TBK1: variants seen among roughly 807,000 people sequenced by gnomAD.
TBK1 encodes serine/threonine-protein kinase TBK1.
TBK1 carries 37 observed loss-of-function variants against 99.9 expected under a neutral mutation model. The ratio of observed to expected loss-of-function variants is 0.37; its 90% CI spans 0.28 to 0.49. The LOEUF (loss-of-function observed/expected upper bound fraction) is 0.49, where lower values mean the gene tolerates loss of function less well. Among genes scored for constraint, TBK1 ranks in the 20% least tolerant of loss-of-function variants. The probability of loss-of-function intolerance (pLI) is 0.98; values close to 1 mark genes in which losing one functional copy is unlikely to be tolerated. For missense variants in TBK1, 644 were observed against 872.5 expected (o/e 0.74, Z 3.30); for synonymous variants, 258 against 279.8 (o/e 0.92, Z 0.78).
At chr12:64,496,911 G>A in intron 16 of TBK1, 38 bp from the exon 17 acceptor site, 1 of 1,361,010 alleles carries the variant, frequency 7.3e-7, no homozygotes, top group African/African-American at 1.5e-5. Flanking sequence ...TAGAAACAGT[G>A]ACATTGGTTT....
intron 13 of TBK1, chr12:64,495,268 T>G (rs1180316321): frequency 2.2e-6 from 1 of 455,620 alleles, no homozygotes; most frequent in Non-Finnish European, 3.9e-6. Flanking sequence ...TTATAAGATG[T>G]ATTACTGCTG....
intron 5 of TBK1, among the ~76,000 whole-genome samples, chr12:64,473,473 C>T (rs1370908263): frequency 6.6e-6 from 1 of 152,072 alleles, no homozygotes; most frequent in Non-Finnish European, 1.5e-5. Context: ...AGTAATGAAT[C>T]AGAACAGAGG....
intron 9 of TBK1, among the ~76,000 whole-genome samples, chr12:64,484,843 T>C (rs2040802814): frequency 6.6e-6 from 1 of 152,028 alleles, no homozygotes; most frequent in African/African-American, 2.4e-5. Flanking sequence ...CTTTCATAAA[T>C]ATTAAAATTT....
chr12:64,452,234 C>T (rs1317147867), intron 1 of TBK1, 47 bp downstream of exon 1: 1 of 152,170 alleles, frequency 6.6e-6, no homozygotes, highest in Non-Finnish European at 1.5e-5. Context: ...GCGCGGGGCG[C>T]GGTCGGTCAG....
intron 1 of TBK1, among the ~76,000 whole-genome samples, chr12:64,453,929 C>T (rs541001358): frequency 1.1e-4 from 16 of 152,170 alleles, no homozygotes; most frequent in Admixed American, 2.0e-4. Flanking sequence ...CAGAAGAGTT[C>T]GTAACTTTTC....
Position 64,464,445 on chromosome 12 carries a change from A to G in TBK1, c.340A>G (p.Ile114Val). 1 of 1,591,554 alleles carries G rather than the reference A, an allele frequency of 6.3e-7. No individual in the cohort carries two copies. The highest frequency in any genetic ancestry group is 8.6e-7 in the Non-Finnish European group (1 of 1,167,576). Residue 114 changes from isoleucine to valine, a missense_variant, in exon 4 of 21, where the codon ATT (isoleucine) becomes GTT (valine). Ile to Val is a conservative substitution (Grantham distance 29). Coordinates refer to ENST00000331710, the MANE Select transcript of TBK1 (RefSeq NM_013254.4). ...TGGACTACCAGAATCTGAATTCTTA[A>G]TTGTTTTGCGAGATGTGGGTATGTT... is the stretch of plus-strand genomic sequence containing the variant. ...AYGLPESEFLIVLRDVVGGMN... is the reference protein window; with the variant it reads ...AYGLPESEFLVVLRDVVGGMN...
At chr12:64,453,026 T>G (rs1278786110) in intron 1 of TBK1, 1 of 152,246 alleles carries the variant, frequency 6.6e-6, no homozygotes, top group Non-Finnish European at 1.5e-5. Context: ...ACTTTCGTTT[T>G]GGACGGTGTA....
At chr12:64,480,370 C>G (rs1460439516) in intron 7 of TBK1, among the ~76,000 whole-genome samples, 1 of 152,190 alleles carries the variant, frequency 6.6e-6, no homozygotes, top group Non-Finnish European at 1.5e-5. Context: ...TTGGTAATCA[C>G]TGGTCTTGGA....
chr12:64,469,917 C>T (rs1368183678), intron 5 of TBK1, among the ~76,000 whole-genome samples: 1 of 152,092 alleles, frequency 6.6e-6, no homozygotes, highest in Non-Finnish European at 1.5e-5. Context: ...TAGATGAATG[C>T]TCAGGACACT....
chr12:64,486,434 G>A (rs545510772), intron 11 of TBK1, among the ~76,000 whole-genome samples: 9 of 151,086 alleles, frequency 6.0e-5, no homozygotes, highest in Non-Finnish European at 1.3e-4. Context: ...TTATCACACC[G>A]TATTTTTTTT....
At chr12:64,471,586 C>T (rs2040662942) in intron 5 of TBK1, among the ~76,000 whole-genome samples, 1 of 152,144 alleles carries the variant, frequency 6.6e-6, no homozygotes. Context: ...CTCCTGACCT[C>T]AAGCGATCCA....
chr12:64,458,086 A>AACAC (rs71092969), intron 2 of TBK1, among the ~76,000 whole-genome samples: 3,905 of 143,622 alleles, frequency 0.027, 129 homozygotes, highest in African/African-American at 0.085. Flanking sequence ...GTCTCTACTA[A>AACAC]ACACACACAC....
chr12:64,466,842 C>T, intron 4 of TBK1, 59 bp from the exon 5 acceptor site: 1 of 1,327,242 alleles, frequency 7.5e-7, no homozygotes, highest in Non-Finnish European at 9.9e-7. Context: ...GAATTTGAGA[C>T]ATGCACACAT....
intron 5 of TBK1, among the ~76,000 whole-genome samples, chr12:64,473,384 G>A (rs114354717): frequency 1.8e-3 from 272 of 152,302 alleles, no homozygotes; most frequent in African/African-American, 6.0e-3. Flanking sequence ...AGAGAATTGG[G>A]TAATTGTTGA....
intron 2 of TBK1, among the ~76,000 whole-genome samples, chr12:64,457,013 A>G (rs973074632): frequency 5.7e-4 from 87 of 152,348 alleles, no homozygotes; most frequent in African/African-American, 2.0e-3. Flanking sequence ...AAGTTCATTT[A>G]TAATACAAAT....
At chr12:64,467,877 A>G (rs1333055333) in intron 5 of TBK1, among the ~76,000 whole-genome samples, 6 of 152,212 alleles carry the variant, frequency 3.9e-5, no homozygotes, top group Admixed American at 3.9e-4. Context: ...CTGTAGATAT[A>G]TGTGATGATC....
intron 20 of TBK1, 72 bp downstream of exon 20, chr12:64,498,111 C>T: frequency 7.9e-7 from 1 of 1,272,778 alleles, no homozygotes; most frequent in Non-Finnish European, 1.1e-6. Context: ...CTTATATCTT[C>T]CTGTATCAAT....
intron 3 of TBK1, among the ~76,000 whole-genome samples, chr12:64,461,628 C>G (rs1331597733): frequency 6.6e-6 from 1 of 152,148 alleles, no homozygotes; most frequent in Non-Finnish European, 1.5e-5. Flanking sequence ...CATAGCCTTC[C>G]ACACTGCCAA....
chr12:64,452,754 C>G (rs1014981065), intron 1 of TBK1: 3 of 152,218 alleles, frequency 2.0e-5, no homozygotes, highest in Non-Finnish European at 4.4e-5. Flanking sequence ...TAAATATATG[C>G]CGATGAAATA....
Sources: gnomAD v4.1 joint callset for allele counts (sites outside exome capture counted in the v4.1 genomes callset) on GRCh38, gnomAD v4.1.1 for gene constraint, MANE v1.5 for transcripts, NCBI Gene and HGNC (gene_info 2026-07-23, HGNC 2026-07-21) for gene names.